Variants in TEKT5 observed in about 807,000 individuals in gnomAD.
The protein encoded by TEKT5 is tektin-5.
A neutral mutation model predicts 48.7 loss-of-function variants in TEKT5; 52 were observed. That is an observed-to-expected ratio of 1.07 (90% CI 0.86 to 1.35). TEKT5 has a LOEUF of 1.35. Ranked by LOEUF, TEKT5 falls within the 40% of genes most tolerant of loss-of-function variation. The probability of loss-of-function intolerance (pLI) is 0.00; values close to 1 mark genes in which losing one functional copy is unlikely to be tolerated. For missense variants in TEKT5, 831 were observed against 641.6 expected (o/e 1.30, Z -3.19); for synonymous variants, 318 against 267.6 (o/e 1.19, Z -1.84).
At chr16:10,649,040 C>T (rs1464028440) in intron 5 of TEKT5, among the ~76,000 whole-genome samples, 3 of 151,346 alleles carry the variant, frequency 2.0e-5, no homozygotes, top group Non-Finnish European at 4.4e-5. Context: ...ACCTTAAACT[C>T]CCGGGCTCAA....
intron 4 of TEKT5, among the ~76,000 whole-genome samples, chr16:10,680,114 C>G (rs565903412): frequency 1.1e-4 from 16 of 152,326 alleles, no homozygotes; most frequent in Middle Eastern, 3.4e-3. Context: ...AAGAGAGACC[C>G]TCTGGACTCC....
chr16:10,631,363 GA>G (rs1219059644), intron 6 of TEKT5, among the ~76,000 whole-genome samples: 14 of 138,768 alleles, frequency 1.0e-4, no homozygotes, highest in South Asian at 2.7e-4. Context: ...GGGGGCGGGG[GA>G]GGGTTGAAAC....
intron 5 of TEKT5, among the ~76,000 whole-genome samples, chr16:10,661,919 C>T (rs1898378550): frequency 6.6e-6 from 1 of 152,194 alleles, no homozygotes; most frequent in Non-Finnish European, 1.5e-5. Context: ...ATGTGTTCAG[C>T]ACTGTGGCCA....
At chr16:10,667,519 A>G (rs1293824938) in intron 5 of TEKT5, among the ~76,000 whole-genome samples, 1 of 152,204 alleles carries the variant, frequency 6.6e-6, no homozygotes, top group Non-Finnish European at 1.5e-5. Context: ...TTCTGTCTGT[A>G]AATATCATCC....
At chr16:10,665,651 C>A (rs747605756) in intron 5 of TEKT5, among the ~76,000 whole-genome samples, 44 of 152,164 alleles carry the variant, frequency 2.9e-4, no homozygotes, top group Non-Finnish European at 5.4e-4. Flanking sequence ...CTGACCAGCC[C>A]ACCTTTTGGC....
At chr16:10,635,031 G>A (rs1280229562) in intron 6 of TEKT5, among the ~76,000 whole-genome samples, 1 of 152,128 alleles carries the variant, frequency 6.6e-6, no homozygotes, top group African/African-American at 2.4e-5. Flanking sequence ...CACAGCAATA[G>A]ACAACTAAGA....
chr16:10,663,597 G>T (rs1196473851), intron 5 of TEKT5, among the ~76,000 whole-genome samples: 1 of 152,154 alleles, frequency 6.6e-6, no homozygotes, highest in Non-Finnish European at 1.5e-5. Context: ...GAGGGACCCG[G>T]TCAGGGATTC....
At chr16:10,638,780 G>T (rs1567225052) in intron 5 of TEKT5, among the ~76,000 whole-genome samples, 1 of 152,210 alleles carries the variant, frequency 6.6e-6, no homozygotes, top group Non-Finnish European at 1.5e-5. Flanking sequence ...AATTAATGAA[G>T]AGGATAATTC....
rs1253197378 is a variant in TEKT5 at position 10,682,086 on chromosome 16, C to T, written c.770G>A (p.Ser257Asn). ...CTTCTCATCGATACACTGGGCCGAGCTTTTGTCTTCGAGGTCCCTCTCCAG... is the reference window on the plus strand; with the variant it reads ...CTTCTCATCGATACACTGGGCCGAGTTTTTGTCTTCGAGGTCCCTCTCCAG... ...HVLERDLEDK[S>N]SAQCIDEKCF... Residue 257 changes from serine to asparagine, a missense_variant, in exon 4 of 7, where the codon AGC becomes AAC. Physicochemically the swap from Ser to Asn is conservative, Grantham distance 46. Transcript: ENST00000283025. 1 of 1,614,192 alleles carries T rather than the reference C, an allele frequency of 6.2e-7. No homozygotes were observed. The highest frequency in any genetic ancestry group is 8.5e-7 in the Non-Finnish European group (1 of 1,180,022).
chr16:10,630,241 A>T (rs919125010), intron 6 of TEKT5, among the ~76,000 whole-genome samples: 2 of 144,746 alleles, frequency 1.4e-5, no homozygotes, highest in African/African-American at 5.0e-5. Context: ...GCTGATTTTA[A>T]TTTTTTTTTT....
intron 5 of TEKT5, among the ~76,000 whole-genome samples, chr16:10,656,938 T>A (rs946371654): frequency 3.3e-5 from 5 of 150,062 alleles, no homozygotes; most frequent in African/African-American, 9.8e-5. Context: ...TGGGGTCTGC[T>A]AGATTGCCCA....
At chr16:10,653,941 G>A (rs1898212569) in intron 5 of TEKT5, among the ~76,000 whole-genome samples, 1 of 151,934 alleles carries the variant, frequency 6.6e-6, no homozygotes, top group Non-Finnish European at 1.5e-5. Flanking sequence ...AAAAACAAAA[G>A]AAAAACACTT....
Position 10,689,927 on chromosome 16 carries a change from C to T in TEKT5, c.648+15G>A, listed in dbSNP as rs1344517. The T allele has an allele frequency of 3.7e-6, 6 of 1,613,812 alleles. No homozygotes were observed. In the South Asian group the frequency reaches 6.6e-5, roughly 18 times the overall value. On this transcript the variant is annotated intron_variant, in intron 2 of 6. Coordinates refer to ENST00000283025, the MANE Select transcript of TEKT5 (RefSeq NM_144674.2). ...CCTCCTTCAGGGGGCTGGGCAGAAC[C>T]AGGAGATGCCTTACCCGGATAAGGT...
intron 4 of TEKT5, among the ~76,000 whole-genome samples, chr16:10,678,984 G>A (rs1481204176): frequency 6.6e-6 from 1 of 152,116 alleles, no homozygotes; most frequent in African/African-American, 2.4e-5. Flanking sequence ...AAACACACAG[G>A]CTCAGTATTC....
chr16:10,636,983 A>ATTT (rs71404408), intron 5 of TEKT5, among the ~76,000 whole-genome samples: 8,910 of 123,580 alleles, frequency 0.072, 552 homozygotes, highest in East Asian at 0.18. Context: ...CACCTGGCTG[A>ATTT]TTTTTTTTTT....
chr16:10,690,878 G>C, intron 1 of TEKT5: 1 of 763,230 alleles, frequency 1.3e-6, no homozygotes, highest in Non-Finnish European at 1.6e-6. Flanking sequence ...GCAAATGTAT[G>C]TGAGAACTCA....
rs534766586 is a variant in TEKT5 at position 10,656,066 on chromosome 16, T to C, written c.1086+19893A>G. 5.9e-5 allele frequency among the ~76,000 whole-genome samples: 9 copies of C among 152,324 alleles called. No homozygotes were observed. The South Asian group carries it at 1.9e-3, about 32-fold the overall frequency. Reference sequence around the variant, plus strand: ...ACTGACATTTTGATAGACTCTTTGATAAAATTTGTGGAGGAGACCGTCCTG... The same window carrying C: ...ACTGACATTTTGATAGACTCTTTGACAAAATTTGTGGAGGAGACCGTCCTG... On this transcript the variant is annotated intron_variant, in intron 5 of 6. Coordinates refer to ENST00000283025, the MANE Select transcript of TEKT5 (RefSeq NM_144674.2).
intron 5 of TEKT5, among the ~76,000 whole-genome samples, chr16:10,652,793 C>T (rs113025451): frequency 1.9e-4 from 23 of 120,530 alleles, no homozygotes; most frequent in African/African-American, 3.2e-4. Flanking sequence ...CACACACACA[C>T]ACCCTCCAGG....
In TEKT5 at chr16:10,694,427, G is replaced by A. The variant is rs758570871; in HGVS notation, c.447C>T (p.Gly149=). ...CATAGCTCAGCTCTGACTTCCAGAA[G>A]CCAATGTCCGACAGCCTCTGGCCCA... ...RNLGQRLSDI[G]FWKSELSYEL... is the part of the protein sequence containing the mutation. The change falls in exon 1 of 7, where the codon GGC becomes GGT. Residue 149 remains glycine, a synonymous_variant. Coordinates refer to ENST00000283025, the MANE Select transcript of TEKT5 (RefSeq NM_144674.2). 30 of 1,614,048 alleles carry A rather than the reference G, an allele frequency of 1.9e-5. No homozygotes were observed. The highest frequency in any genetic ancestry group is 2.4e-5 in the Non-Finnish European group (28 of 1,180,044).
Sources: gnomAD v4.1 joint callset for allele counts (sites outside exome capture counted in the v4.1 genomes callset) on GRCh38, gnomAD v4.1.1 for gene constraint, MANE v1.5 for transcripts, NCBI Gene and HGNC (gene_info 2026-07-23, HGNC 2026-07-21) for gene names.